ROBO2: variants seen among roughly 807,000 people sequenced by gnomAD.
ROBO2 encodes the protein roundabout guidance receptor 2.
A neutral mutation model predicts 160.8 loss-of-function variants in ROBO2; 53 were observed. The observed-to-expected ratio is 0.33, with a 90% CI of 0.26 to 0.41. The LOEUF (loss-of-function observed/expected upper bound fraction) is 0.41. ROBO2 is among the 10% of genes least tolerant of loss of function. The pLI, the probability that ROBO2 is intolerant of heterozygous loss-of-function variation, is 1.00. For synonymous variants in ROBO2, 664 were observed against 611.7 expected, an observed-to-expected ratio of 1.09 and a Z score of -1.26; for missense variants, 1,577 against 1,722.4, an observed-to-expected ratio of 0.92 and a Z score of 1.49.
intron 2 of ROBO2, among the ~76,000 whole-genome samples, chr3:76,397,055 G>A (rs62262626): frequency 0.19 from 28,372 of 151,940 alleles, 3,119 homozygotes; most frequent in African/African-American, 0.3. Context: ...GAGGCATCAC[G>A]CTACCTGACT....
chr3:76,956,675 A>C (rs1327799701), intron 2 of ROBO2, among the ~76,000 whole-genome samples: 1 of 151,534 alleles, frequency 6.6e-6, no homozygotes, highest in Non-Finnish European at 1.5e-5. Context: ...AGGACATGGC[A>C]GAGAGAGAGA....
At chr3:76,348,271 G>GGAGGCAAGTAATTGTTGGGA (rs1247982042) in intron 2 of ROBO2, among the ~76,000 whole-genome samples, 5 of 152,134 alleles carry the variant, frequency 3.3e-5, no homozygotes, top group African/African-American at 1.2e-4. Flanking sequence ...CATCTTCTGG[G>GGAGGCAAGTAATTGTTGGGA]GAGGCAAGTA....
intron 2 of ROBO2, among the ~76,000 whole-genome samples, chr3:77,459,520 T>A (rs1469785687): frequency 6.6e-6 from 1 of 152,204 alleles, no homozygotes; most frequent in Non-Finnish European, 1.5e-5. Flanking sequence ...TTTGTGGAGC[T>A]AGCTTACATT....
chr3:77,236,758 T>A (rs2088050245), intron 2 of ROBO2, among the ~76,000 whole-genome samples: 1 of 152,254 alleles, frequency 6.6e-6, no homozygotes, highest in Admixed American at 6.5e-5. Context: ...GTCTCCATAG[T>A]TTTATCTTTT....
chr3:77,609,126 T>A (rs1203724112), intron 21 of ROBO2, among the ~76,000 whole-genome samples: 1 of 151,960 alleles, frequency 6.6e-6, no homozygotes, highest in Non-Finnish European at 1.5e-5. Flanking sequence ...ATTTTTTGTC[T>A]ATGTCTTCCT....
intron 2 of ROBO2, among the ~76,000 whole-genome samples, chr3:77,244,337 T>C (rs895138461): frequency 1.3e-5 from 2 of 152,148 alleles, no homozygotes; most frequent in Non-Finnish European, 2.9e-5. Flanking sequence ...GGGAAGACAG[T>C]AGTTGTCAGG....
At chr3:76,525,694 G>C (rs1372133151) in intron 2 of ROBO2, among the ~76,000 whole-genome samples, 1 of 151,956 alleles carries the variant, frequency 6.6e-6, no homozygotes, top group Non-Finnish European at 1.5e-5. Flanking sequence ...ATTAGAATTA[G>C]CCAGGGTTTT....
chr3:76,199,557 T>C (rs1702421475), intron 2 of ROBO2, among the ~76,000 whole-genome samples: 1 of 152,072 alleles, frequency 6.6e-6, no homozygotes, highest in South Asian at 2.1e-4. Context: ...GGTAACTTCG[T>C]GAGAGGATGA....
At chr3:76,860,025 C>T (rs2070577009) in intron 2 of ROBO2, among the ~76,000 whole-genome samples, 1 of 152,150 alleles carries the variant, frequency 6.6e-6, no homozygotes, top group Non-Finnish European at 1.5e-5. Context: ...TCATTACCTA[C>T]CTTTGTGTCA....
At chr3:76,873,591 T>TGTC (rs1012333323) in intron 2 of ROBO2, among the ~76,000 whole-genome samples, 8 of 151,940 alleles carry the variant, frequency 5.3e-5, no homozygotes, top group African/African-American at 1.9e-4. Context: ...TCGTCGTCGT[T>TGTC]GTCGTCGTCG....
At position 76,035,235 on chromosome 3, in the gene ROBO2, G is replaced by GCACATATT. The variant is rs548088556; in HGVS notation, c.109+97634_109+97641dup. On this transcript the variant is annotated intron_variant, in intron 2 of 26. Coordinates refer to the ROBO2 transcript ENST00000487694. Reference sequence around the variant, plus strand: ...TCCTCTCTTCCTAGGACAATGTCTGGCACATATTTGGTATTTAAGAAATAA... The same window carrying GCACATATT: ...TCCTCTCTTCCTAGGACAATGTCTGGCACATATTCACATATTTGGTATTTAAGAAATAA... 2.6e-4 allele frequency among the ~76,000 whole-genome samples: 39 copies of GCACATATT among 149,450 alleles called. No homozygotes were observed. In the East Asian group the frequency reaches 6.9e-3, roughly 26 times the overall value.
intron 2 of ROBO2, among the ~76,000 whole-genome samples, chr3:76,628,619 T>C (rs2089828165): frequency 6.6e-6 from 1 of 152,120 alleles, no homozygotes; most frequent in African/African-American, 2.4e-5. Context: ...AAGGAAACTT[T>C]TTTTTCCTCA....
intron 2 of ROBO2, among the ~76,000 whole-genome samples, chr3:76,163,842 T>A (rs1441217145): frequency 1.3e-5 from 2 of 152,116 alleles, no homozygotes; most frequent in African/African-American, 4.8e-5. Flanking sequence ...TACGTTGATG[T>A]CAGCTGACTG....
chr3:77,029,790 A>G (rs895705104), intron 2 of ROBO2, among the ~76,000 whole-genome samples: 1 of 152,208 alleles, frequency 6.6e-6, no homozygotes. Context: ...TGCAATAACT[A>G]TTAACAAAAG....
chr3:77,580,409 C>T (rs1310527197), intron 16 of ROBO2, among the ~76,000 whole-genome samples: 1 of 152,022 alleles, frequency 6.6e-6, no homozygotes, highest in Admixed American at 6.6e-5. Context: ...AATTTTGGTG[C>T]CATTGAAATA....
intron 2 of ROBO2, among the ~76,000 whole-genome samples, chr3:76,762,925 A>C (rs1340979679): frequency 1.3e-5 from 2 of 151,732 alleles, no homozygotes; most frequent in South Asian, 2.1e-4. Flanking sequence ...TATCAGAAGG[A>C]GTATTGTTCA....
chr3:76,621,220 C>T (rs994591381), intron 2 of ROBO2, among the ~76,000 whole-genome samples: 1 of 150,526 alleles, frequency 6.6e-6, no homozygotes, highest in African/African-American at 2.5e-5. Flanking sequence ...TGTGGCATGT[C>T]ATTTTATTGC....
chr3:76,090,775 A>T (rs1362638763), intron 2 of ROBO2, among the ~76,000 whole-genome samples: 1 of 152,194 alleles, frequency 6.6e-6, no homozygotes, highest in Non-Finnish European at 1.5e-5. Flanking sequence ...ACGGAACGGG[A>T]GAGCCCAGAA....
chr3:76,294,385 C>T (rs1482173137), intron 2 of ROBO2, among the ~76,000 whole-genome samples: 4 of 152,164 alleles, frequency 2.6e-5, no homozygotes, highest in Non-Finnish European at 5.9e-5. Context: ...CGACTGCCAT[C>T]ACTGCTGCCA....
Sources: gnomAD v4.1 joint callset for allele counts (sites outside exome capture counted in the v4.1 genomes callset) on GRCh38, gnomAD v4.1.1 for gene constraint, MANE v1.5 for transcripts, NCBI Gene and HGNC (gene_info 2026-07-23, HGNC 2026-07-21) for gene names.